The following ASTN2 variants were observed in gnomAD, a reference collection of about 807,000 sequenced individuals.
The protein encoded by ASTN2 is astrotactin 2.
Under a neutral mutation model 139.8 loss-of-function variants are expected in ASTN2, and 54 were observed. The observed-to-expected ratio is 0.39, with a 90% CI of 0.31 to 0.48. The LOEUF (loss-of-function observed/expected upper bound fraction) is 0.48. ASTN2 is among the 20% of genes least tolerant of loss of function. ASTN2 has a pLI of 0.95. For missense variants in ASTN2, 1,565 were observed against 1,725.1 expected (o/e 0.91, Z 1.64); for synonymous variants, 756 against 719.5 (o/e 1.05, Z -0.81).
intron 3 of ASTN2, among the ~76,000 whole-genome samples, chr9:117,181,773 T>C (rs994384065): frequency 2.0e-5 from 3 of 152,208 alleles, no homozygotes; most frequent in Non-Finnish European, 2.9e-5. Context: ...TGGATCTCAA[T>C]AGACAGTAGA....
chr9:117,308,057 T>C (rs1835046818), intron 1 of ASTN2, among the ~76,000 whole-genome samples: 1 of 152,150 alleles, frequency 6.6e-6, no homozygotes, highest in African/African-American at 2.4e-5. Flanking sequence ...CAGCCTGGTG[T>C]CCTTGAAAGA....
At chr9:116,898,467 G>A (rs777070608) in intron 10 of ASTN2, among the ~76,000 whole-genome samples, 85 of 150,796 alleles carry the variant, frequency 5.6e-4, no homozygotes, top group African/African-American at 1.9e-3. Flanking sequence ...AACCTACTTC[G>A]CAAATAACTT....
intron 4 of ASTN2, among the ~76,000 whole-genome samples, chr9:117,139,535 T>G (rs1830025108): frequency 6.6e-6 from 1 of 152,226 alleles, no homozygotes; most frequent in African/African-American, 2.4e-5. Context: ...TGCCTCAATT[T>G]GTGATCTGAC....
intron 3 of ASTN2, among the ~76,000 whole-genome samples, chr9:117,209,263 A>G (rs2133010168): frequency 6.6e-6 from 1 of 152,266 alleles, no homozygotes; most frequent in African/African-American, 2.4e-5. Context: ...AAACAGGACA[A>G]AAGGATGAAA....
intron 2 of ASTN2, among the ~76,000 whole-genome samples, chr9:117,244,567 AAGGAAGGG>A (rs1251557979): frequency 6.4e-5 from 6 of 93,902 alleles, no homozygotes; most frequent in African/African-American, 2.1e-4. Context: ...GGAAGGAAGG[AAGGAAGGG>A]AGGGAGGGAG....
rs1564217757 is a variant in ASTN2 at position 116,699,154 on chromosome 9, A to G, written c.2806+26617T>C. ...GCCTGTCACAGGAGCCAGCTGAGCAAACCATGGGGTATCACAGCCTTGCCA... is the reference window on the plus strand; with the variant it reads ...GCCTGTCACAGGAGCCAGCTGAGCAGACCATGGGGTATCACAGCCTTGCCA... On this transcript the variant is annotated intron_variant, in intron 16 of 22. Transcript: ENST00000313400. This position sits in a 1 kb window ranked among gnomAD's most constrained non-coding sequence, Gnocchi z 4.2. 6.2e-7 allele frequency: 1 copy of G among 1,614,262 alleles called. No individual in the cohort carries two copies. The highest frequency in any genetic ancestry group is 2.2e-5 in the East Asian group (1 of 44,880).
intron 10 of ASTN2, among the ~76,000 whole-genome samples, chr9:116,870,809 G>T (rs186309803): frequency 2.0e-5 from 3 of 152,162 alleles, no homozygotes; most frequent in East Asian, 1.9e-4. Context: ...ACCAGGAAAG[G>T]TCTGTGTCAC....
chr9:117,413,082 G>T (rs138862902), intron 1 of ASTN2, among the ~76,000 whole-genome samples: 54 of 152,236 alleles, frequency 3.5e-4, no homozygotes, highest in Non-Finnish European at 5.0e-4. Context: ...CAGCCTGCGA[G>T]GGTGGGTACA....
chr9:116,695,416 G>A (rs545515832), intron 16 of ASTN2, among the ~76,000 whole-genome samples: 174 of 152,298 alleles, frequency 1.1e-3, no homozygotes, highest in African/African-American at 4.0e-3. Flanking sequence ...TTAGATAATT[G>A]TGCATGTCTG....
At chr9:116,777,840 TTTTTGTTTTTTGTTTTG>T (rs1263791236) in intron 13 of ASTN2, among the ~76,000 whole-genome samples, 1 of 133,322 alleles carries the variant, frequency 7.5e-6, no homozygotes, top group African/African-American at 2.8e-5. Context: ...CTTTCTCTTT[TTTTTGTTTTTTGTTTTG>T]TTTTGTTTTT....
intron 4 of ASTN2, among the ~76,000 whole-genome samples, chr9:117,141,062 T>C (rs1830063131): frequency 1.3e-5 from 2 of 152,158 alleles, no homozygotes; most frequent in Admixed American, 6.5e-5. Context: ...CTACACACTT[T>C]CCATATATAG....
intron 1 of ASTN2, among the ~76,000 whole-genome samples, chr9:117,341,507 G>C (rs560735259): frequency 1.3e-5 from 2 of 152,090 alleles, no homozygotes; most frequent in African/African-American, 4.8e-5. Context: ...AGTAGCAAAC[G>C]ATCAAGCAAA....
rs10983170 is a variant in ASTN2, at chr9:116,460,032, G to A, written c.3498-17479C>T. 0.013 allele frequency among the ~76,000 whole-genome samples: 1,983 copies of A among 152,150 alleles called. 183 individuals carry two copies. In the South Asian group the frequency reaches 0.21, roughly 16 times the overall value. ...TCCATCAACTGATGAATGAATAAACGAAAGGTGGTATATCTAAATAACTGA... is the reference window on the plus strand; with the variant it reads ...TCCATCAACTGATGAATGAATAAACAAAAGGTGGTATATCTAAATAACTGA... On this transcript the variant is annotated intron_variant, in intron 20 of 22. Coordinates refer to ENST00000313400, the MANE Select transcript of ASTN2 (RefSeq NM_001365068.1).
chr9:116,903,757 T>G (rs966636670), intron 10 of ASTN2, among the ~76,000 whole-genome samples: 1 of 152,052 alleles, frequency 6.6e-6, no homozygotes, highest in South Asian at 2.1e-4. Context: ...GTATTAATAG[T>G]TTGACATTTG....
intron 19 of ASTN2, among the ~76,000 whole-genome samples, chr9:116,502,233 CACAGAGAGAG>C (rs965851897): frequency 2.6e-4 from 39 of 151,402 alleles, no homozygotes; most frequent in South Asian, 1.3e-3. Context: ...CATAGAGACA[CACAGAGAGAG>C]ACAGAGAGAG....
At chr9:117,004,043 A>G (rs1239939684) in intron 7 of ASTN2, among the ~76,000 whole-genome samples, 1 of 145,762 alleles carries the variant, frequency 6.9e-6, no homozygotes, top group Non-Finnish European at 1.5e-5. Flanking sequence ...ATTAAAAAAA[A>G]GAAGCTTGGC....
intron 7 of ASTN2, among the ~76,000 whole-genome samples, chr9:116,992,965 A>G (rs759900394): frequency 1.3e-5 from 2 of 152,202 alleles, no homozygotes; most frequent in Non-Finnish European, 2.9e-5. Context: ...CATCTCTGGC[A>G]TCACATCAGT....
At chr9:116,640,594 A>T (rs1038378778) in intron 17 of ASTN2, among the ~76,000 whole-genome samples, 2 of 152,192 alleles carry the variant, frequency 1.3e-5, no homozygotes, top group African/African-American at 4.8e-5. Flanking sequence ...AAAAACTAGA[A>T]GAAGATCACT....
intron 19 of ASTN2, among the ~76,000 whole-genome samples, chr9:116,578,417 T>A (rs1051023129): frequency 3.3e-5 from 5 of 152,136 alleles, no homozygotes; most frequent in African/African-American, 1.2e-4. Flanking sequence ...AATGTGAATA[T>A]CTACCACGGG....
Sources: gnomAD v4.1 joint callset for allele counts (sites outside exome capture counted in the v4.1 genomes callset) on GRCh38, gnomAD v4.1.1 for gene constraint, Gnocchi (gnomAD v3.1) non-coding constraint, MANE v1.5 for transcripts, NCBI Gene and HGNC (gene_info 2026-07-23, HGNC 2026-07-21) for gene names.